Variants in UBR3 observed in about 807,000 individuals in gnomAD.
The protein encoded by UBR3 is ubiquitin protein ligase E3 component n-recognin 3, also known as E3 ubiquitin-protein ligase UBR3.
Under a neutral mutation model 243.2 loss-of-function variants are expected in UBR3, and 85 were observed. The observed-to-expected ratio is 0.35, with a 90% confidence interval of 0.29 to 0.42. UBR3 has a LOEUF of 0.42. Among genes scored for constraint, UBR3 ranks in the 10% least tolerant of loss-of-function variants. The pLI, the probability that UBR3 is intolerant of heterozygous loss-of-function variation, is 1.00. For synonymous variants in UBR3, 748 were observed against 799.8 expected (o/e 0.94, Z 1.09); for missense variants, 1,686 against 2,300.8 (o/e 0.73, Z 5.47).
In UBR3 at chr2:170,006,151, G is replaced by A. The variant is rs115666726; in HGVS notation, c.4030-839G>A. Among the ~76,000 whole-genome samples, 363 of 152,182 alleles carry A rather than the reference G, an allele frequency of 2.4e-3. 2 individuals carry two copies. Among genetic ancestry groups the A allele is most frequent in the African/African-American group, 8.5e-3 (351 of 41,490 alleles). ...CCAATTTTTTAGCACACTTTTTTGT[G>A]TATTTTTAAAACTTAGCTCACAAAT... On this transcript the variant is annotated intron_variant, in intron 27 of 38. Coordinates refer to ENST00000272793, the MANE Select transcript of UBR3 (RefSeq NM_172070.4).
intron 24 of UBR3, among the ~76,000 whole-genome samples, chr2:169,979,812 G>T (rs2105382922): frequency 6.6e-6 from 1 of 152,288 alleles, no homozygotes; most frequent in South Asian, 2.1e-4. Context: ...ACACAGTAAA[G>T]TTCGATATGT....
At chr2:169,971,679 A>G (rs894122189) in intron 24 of UBR3, among the ~76,000 whole-genome samples, 1 of 152,020 alleles carries the variant, frequency 6.6e-6, no homozygotes, top group Non-Finnish European at 1.5e-5. Flanking sequence ...TGTTCCATTG[A>G]TCTATATCTC....
chr2:169,867,017 T>A (rs2083286795), intron 1 of UBR3, among the ~76,000 whole-genome samples: 1 of 152,248 alleles, frequency 6.6e-6, no homozygotes, highest in African/African-American at 2.4e-5. Context: ...CAAAAAAGAA[T>A]ACCAATGATG....
rs1323652545 is a variant in UBR3 at position 169,925,534 on chromosome 2, T to C, written c.2023-85T>C. 38 of 1,242,434 alleles carry C rather than the reference T, an allele frequency of 3.1e-5. 1 individual carries two copies. The Admixed American group carries it at 9.8e-4, about 32-fold the overall frequency. 77.0% of individuals were successfully genotyped at this position (1,242,434 alleles called of 1,614,324 possible). A position where few individuals can be genotyped will look rare whatever the true frequency, so the allele number is the denominator to read the frequency against. ...TCGGGCTTATACTATGATCACATCA[T>C]TAAATATTTTGAAATGGTTATTTAT... On this transcript the variant is annotated intron_variant, in intron 13 of 38. Transcript: ENST00000272793.
chr2:170,068,829 T>TAACATTTGCCAACAAGTTTGAC (rs2091636666), intron 35 of UBR3, among the ~76,000 whole-genome samples: 1 of 152,182 alleles, frequency 6.6e-6, no homozygotes, highest in African/African-American at 2.4e-5. Context: ...AATATATAGA[T>TAACATTTGCCAACAAGTTTGAC]AACATTTGCC....
At chr2:169,954,867 C>A (rs2087205959) in intron 23 of UBR3, among the ~76,000 whole-genome samples, 1 of 152,158 alleles carries the variant, frequency 6.6e-6, no homozygotes, top group Admixed American at 6.5e-5. Context: ...GGCACTGTGC[C>A]CAGCCAGTAA....
chr2:169,864,999 T>TTGC (rs2083209540), intron 1 of UBR3, among the ~76,000 whole-genome samples: 1 of 151,702 alleles, frequency 6.6e-6, no homozygotes, highest in African/African-American at 2.4e-5. Context: ...GGCAGGAGAA[T>TTGC]TGCTTGAATC....
chr2:169,949,690 CA>C lies in UBR3; in HGVS notation c.3173del (p.Asn1058IlefsTer21). 1 of 1,551,522 alleles carries C rather than the reference CA, an allele frequency of 6.4e-7. No individual in the cohort carries two copies. Among genetic ancestry groups the C allele is most frequent in the Non-Finnish European group, 8.7e-7 (1 of 1,146,714 alleles). On this transcript the variant is annotated frameshift_variant, in exon 23 of 39. Transcript: ENST00000272793. LOFTEE classifies it high-confidence loss of function. The stretch of plus-strand genomic sequence containing the variant: ...ATCATCAATCGCAGTAGCAGTGAAG[CA>C]AATCAGGTGGTTCGTCCCAAAACTT... ...QEIINRSSSEANQVVRPKTSS... is the reference protein window; with the variant it reads ...QEIINRSSSEXNQVVRPKTSS...
intron 1 of UBR3, among the ~76,000 whole-genome samples, chr2:169,862,062 C>T (rs896229673): frequency 1.3e-5 from 2 of 151,964 alleles, no homozygotes; most frequent in South Asian, 2.1e-4. Context: ...TTTCATGTAC[C>T]GTTACCATAT....
intron 11 of UBR3, among the ~76,000 whole-genome samples, chr2:169,920,393 C>T (rs892564388): frequency 4.6e-5 from 7 of 152,056 alleles, no homozygotes; most frequent in African/African-American, 1.7e-4. Context: ...GTGCAGCACA[C>T]CAACATGGCA....
chr2:169,828,476 T>C (rs568440946), intron 1 of UBR3, among the ~76,000 whole-genome samples: 1 of 152,108 alleles, frequency 6.6e-6, no homozygotes, highest in East Asian at 1.9e-4. Flanking sequence ...GGGGATGTTA[T>C]TGGGGACCGT....
rs1231807961 is a variant in UBR3, at chr2:169,864,686, G to C, written c.546-7550G>C. Reference sequence around the variant, plus strand: ...TGGGAGGCTGAGGCAGGCAGATCACGAGGTCAGGAGATTGAGACCATCCTG... The same window carrying C: ...TGGGAGGCTGAGGCAGGCAGATCACCAGGTCAGGAGATTGAGACCATCCTG... On this transcript the variant is annotated intron_variant, in intron 1 of 38. Transcript: ENST00000272793. 2.0e-5 allele frequency among the ~76,000 whole-genome samples: 3 copies of C among 151,816 alleles called. No individual in the cohort carries two copies. In the East Asian group the frequency reaches 5.8e-4, roughly 29 times the overall value.
At chr2:169,831,155 TGAG>T (rs2081929381) in intron 1 of UBR3, among the ~76,000 whole-genome samples, 1 of 91,062 alleles carries the variant, frequency 1.1e-5, no homozygotes, top group East Asian at 3.3e-4. Context: ...TTTTTTTTTT[TGAG>T]AGAGAGAGTT....
At chr2:169,838,235 A>T (rs2082170141) in intron 1 of UBR3, among the ~76,000 whole-genome samples, 1 of 152,230 alleles carries the variant, frequency 6.6e-6, no homozygotes, top group South Asian at 2.1e-4. Flanking sequence ...AGTGAACTGT[A>T]GTTTAATCAT....
At chr2:170,041,946 T>C (rs1288292736) in intron 32 of UBR3, among the ~76,000 whole-genome samples, 1 of 152,194 alleles carries the variant, frequency 6.6e-6, no homozygotes, top group Non-Finnish European at 1.5e-5. Context: ...TATTTTTTAA[T>C]CATGAAATTC....
At chr2:169,948,954 C>T (rs987680220) in intron 22 of UBR3, among the ~76,000 whole-genome samples, 12 of 151,056 alleles carry the variant, frequency 7.9e-5, no homozygotes, top group Non-Finnish European at 1.6e-4. Flanking sequence ...CCTTGACCCA[C>T]AAACCAAAAA....
At chr2:169,937,558 TGTTTTAG>T (rs2086392379) in intron 19 of UBR3, among the ~76,000 whole-genome samples, 1 of 152,208 alleles carries the variant, frequency 6.6e-6, no homozygotes, top group Non-Finnish European at 1.5e-5. Flanking sequence ...TTGCTTTTGG[TGTTTTAG>T]ACATGAAGTT....
intron 30 of UBR3, among the ~76,000 whole-genome samples, chr2:170,025,602 T>C (rs1337971882): frequency 3.3e-5 from 5 of 152,174 alleles, no homozygotes; most frequent in African/African-American, 4.8e-5. Flanking sequence ...TTATGAGATA[T>C]TGTGAACAGA....
chr2:170,047,507 CA>C (rs758638332), intron 32 of UBR3, among the ~76,000 whole-genome samples: 1 of 152,056 alleles, frequency 6.6e-6, no homozygotes, highest in South Asian at 2.1e-4. Flanking sequence ...TGGCCATATA[CA>C]AATATATTTT....
Sources: gnomAD v4.1 joint callset for allele counts (sites outside exome capture counted in the v4.1 genomes callset) on GRCh38, gnomAD v4.1.1 for gene constraint, MANE v1.5 for transcripts, NCBI Gene and HGNC (gene_info 2026-07-23, HGNC 2026-07-21) for gene names.